The following FAM185A variants were observed in gnomAD, a reference collection of about 807,000 sequenced individuals.
FAM185A encodes family with sequence similarity 185 member A, also known as protein FAM185A.
In FAM185A, 21 loss-of-function variants were observed where a neutral mutation model predicts 45.7. That is an observed-to-expected ratio of 0.46 (90% confidence interval 0.33 to 0.66). The LOEUF is 0.66. Among genes scored for constraint, FAM185A ranks in the 30% least tolerant of loss-of-function variants. FAM185A has a pLI of 0.03. For synonymous variants in FAM185A, 117 were observed against 194.0 expected (o/e 0.60, Z 3.30); for missense variants, 305 against 485.4 (o/e 0.63, Z 3.49).
At chr7:102,796,011 AAG>A (rs1356643732) in intron 7 of FAM185A, among the ~76,000 whole-genome samples, 2 of 152,120 alleles carry the variant, frequency 1.3e-5, no homozygotes, top group East Asian at 1.9e-4. Flanking sequence ...GCAGTAGAGA[AAG>A]AGAAATTCAC....
the FAM185A span, among the ~76,000 whole-genome samples, chr7:102,829,683 G>A: frequency 1.3e-5 from 2 of 152,140 alleles, no homozygotes. Context: ...AGTAGGATGA[G>A]GTCACAGTAC....
chr7:102,776,999 G>C (rs934050296), intron 5 of FAM185A, among the ~76,000 whole-genome samples: 5 of 152,230 alleles, frequency 3.3e-5, no homozygotes, highest in Admixed American at 2.6e-4. Flanking sequence ...TTAAGTTTTA[G>C]AGTAAATGTT....
chr7:102,774,791 A>G (rs1391229073), intron 5 of FAM185A, among the ~76,000 whole-genome samples: 4 of 152,124 alleles, frequency 2.6e-5, no homozygotes, highest in African/African-American at 9.7e-5. Context: ...AATAGAGACA[A>G]GGTCTCACTT....
chr7:102,834,121 AG>A, the FAM185A span, among the ~76,000 whole-genome samples: 1 of 114,724 alleles, frequency 8.7e-6, no homozygotes, highest in African/African-American at 4.4e-5. Flanking sequence ...AAAGAAAGAA[AG>A]AAAGAAAGAA....
intron 6 of FAM185A, among the ~76,000 whole-genome samples, chr7:102,780,136 A>C (rs567423943): frequency 2.0e-5 from 3 of 152,260 alleles, no homozygotes; most frequent in African/African-American, 7.2e-5. Flanking sequence ...AGACCAAGAA[A>C]TTACTTAAGG....
intron 7 of FAM185A, among the ~76,000 whole-genome samples, chr7:102,798,577 A>AAAT (rs1170760782): frequency 1.3e-5 from 2 of 152,160 alleles, no homozygotes; most frequent in South Asian, 2.1e-4. Context: ...GGGAGGTGAT[A>AAAT]AATAATATAT....
chr7:102,767,809 C>T (rs1794504860), intron 4 of FAM185A, among the ~76,000 whole-genome samples: 4 of 150,132 alleles, frequency 2.7e-5, no homozygotes, highest in South Asian at 4.2e-4. Flanking sequence ...AGTCCCTGAA[C>T]GTCATCTGTA....
At chr7:102,812,193 C>T (rs1390050495), downstream of FAM185A, among the ~76,000 whole-genome samples, 1 of 152,176 alleles carries the variant, frequency 6.6e-6, no homozygotes, top group Non-Finnish European at 1.5e-5. Context: ...ATCAGTGTTA[C>T]ATAATATCAA....
At chr7:102,837,807 C>T in the FAM185A span, among the ~76,000 whole-genome samples, 2 of 152,204 alleles carry the variant, frequency 1.3e-5, no homozygotes, top group African/African-American at 2.4e-5. Flanking sequence ...CTTCCCAAAA[C>T]GTTGGGATTA....
the FAM185A span, among the ~76,000 whole-genome samples, chr7:102,824,993 T>C: frequency 6.6e-6 from 1 of 152,172 alleles, no homozygotes; most frequent in African/African-American, 2.4e-5. Context: ...TTACAATCTT[T>C]AATTATTATA....
intron 6 of FAM185A, among the ~76,000 whole-genome samples, chr7:102,778,158 T>C (rs1212641255): frequency 6.6e-6 from 1 of 152,238 alleles, no homozygotes; most frequent in African/African-American, 2.4e-5. Flanking sequence ...GTTCCTGCTA[T>C]TAGTAGTTGC....
At chr7:102,795,294 C>T (rs1388532266) in intron 7 of FAM185A, among the ~76,000 whole-genome samples, 1 of 152,058 alleles carries the variant, frequency 6.6e-6, no homozygotes, top group Non-Finnish European at 1.5e-5. Flanking sequence ...GTATACAGAA[C>T]CTCTCTCTAC....
the FAM185A span, among the ~76,000 whole-genome samples, chr7:102,835,603 G>T: frequency 9.0e-4 from 88 of 97,434 alleles, no homozygotes; most frequent in East Asian, 2.0e-3. Flanking sequence ...AGGTGACATT[G>T]TTTTTTTTTT....
intron 7 of FAM185A, among the ~76,000 whole-genome samples, chr7:102,788,131 A>AT (rs910628845): frequency 4.8e-5 from 7 of 146,510 alleles, no homozygotes; most frequent in Admixed American, 2.0e-4. Context: ...TGCCCGGCTA[A>AT]TTTTTTTTTG....
the FAM185A span, among the ~76,000 whole-genome samples, chr7:102,827,752 C>G: frequency 0.14 from 21,291 of 152,064 alleles, 1,567 homozygotes; most frequent in Middle Eastern, 0.26. Flanking sequence ...GTTCAATTCC[C>G]ACCTATGAGT....
At chr7:102,786,726 T>C (rs1795822628) in intron 6 of FAM185A, among the ~76,000 whole-genome samples, 1 of 151,876 alleles carries the variant, frequency 6.6e-6, no homozygotes, top group African/African-American at 2.4e-5. Context: ...ATACCTAATG[T>C]TAAATGACAA....
intron 6 of FAM185A, among the ~76,000 whole-genome samples, chr7:102,778,155 C>T (rs1482503479): frequency 6.6e-6 from 1 of 152,174 alleles, no homozygotes; most frequent in Non-Finnish European, 1.5e-5. Context: ...ATTGTTCCTG[C>T]TATTAGTAGT....
At chr7:102,784,793 C>T (rs958428486) in intron 6 of FAM185A, among the ~76,000 whole-genome samples, 1 of 152,192 alleles carries the variant, frequency 6.6e-6, no homozygotes, top group African/African-American at 2.4e-5. Context: ...TGCCCTCTCT[C>T]ACCACTCCTC....
At chr7:102,835,856 G>T in the FAM185A span, among the ~76,000 whole-genome samples, 2 of 151,890 alleles carry the variant, frequency 1.3e-5, no homozygotes, top group East Asian at 1.9e-4. Context: ...TGATCCGCCC[G>T]CCTCGGCCTC....
Sources: allele counts gnomAD v4.1 joint callset (sites outside exome capture counted in the v4.1 genomes callset), GRCh38; gene constraint gnomAD v4.1.1; transcripts MANE v1.5; gene names NCBI Gene and HGNC (gene_info 2026-07-23, HGNC 2026-07-21).